CRHR2: variants seen among roughly 807,000 people sequenced by gnomAD.
CRHR2 encodes the protein corticotropin releasing hormone receptor 2, also known as corticotropin-releasing hormone receptor 2.
A neutral mutation model predicts 57.9 loss-of-function variants in CRHR2; 53 were observed. The ratio of observed to expected loss-of-function variants is 0.92; its 90% CI spans 0.73 to 1.15. The LOEUF is 1.15. Among genes scored for constraint, CRHR2 ranks in the 50% most tolerant of loss-of-function variants. The pLI is 0.00. For missense variants in CRHR2, 532 were observed against 542.6 expected (o/e 0.98, Z 0.19); for synonymous variants, 213 against 220.9 (o/e 0.96, Z 0.32).
intron 2 of CRHR2, among the ~76,000 whole-genome samples, chr7:30,687,687 G>A (rs1238174972): frequency 6.6e-6 from 1 of 152,190 alleles, no homozygotes. Context: ...GAGAAGCTGG[G>A]ACCCTATCCG....
intron 2 of CRHR2, among the ~76,000 whole-genome samples, chr7:30,678,487 G>A (rs2284220): frequency 0.84 from 127,982 of 152,202 alleles, 54,039 homozygotes; most frequent in Middle Eastern, 0.87. Flanking sequence ...GTGGCCATGC[G>A]CTAGTCCCTT....
intron 1 of CRHR2, among the ~76,000 whole-genome samples, chr7:30,695,269 G>T (rs779197297): frequency 4.6e-5 from 7 of 152,128 alleles, no homozygotes; most frequent in Non-Finnish European, 7.4e-5. Context: ...GTTCTAACTT[G>T]TAGGGTGTTG....
intron 2 of CRHR2, among the ~76,000 whole-genome samples, chr7:30,680,818 T>TTGTG (rs60568949): frequency 0.16 from 23,880 of 145,280 alleles, 2,086 homozygotes; most frequent in East Asian, 0.28. Context: ...TTCTGAAAGC[T>TTGTG]TGTGTGTGTG....
intron 1 of CRHR2, among the ~76,000 whole-genome samples, chr7:30,695,450 T>C (rs553457328): frequency 3.7e-4 from 56 of 152,064 alleles, no homozygotes; most frequent in African/African-American, 1.3e-3. Flanking sequence ...CTGTTCTCTC[T>C]TCTCTCTGAA....
intron 1 of CRHR2, among the ~76,000 whole-genome samples, chr7:30,689,734 G>C (rs1784924715): frequency 6.6e-6 from 1 of 152,238 alleles, no homozygotes; most frequent in South Asian, 2.1e-4. Context: ...GCCAGGTAGG[G>C]ATCCTCTAGA....
At chr7:30,686,363 G>T, upstream of CRHR2, 1 of 1,517,344 alleles carries the variant, frequency 6.6e-7, no homozygotes, top group South Asian at 1.2e-5. Flanking sequence ...CTTCAGCCCA[G>T]TGAGTCACTA....
chr7:30,686,531 A>G, upstream of CRHR2: 4 of 1,508,798 alleles, frequency 2.7e-6, no homozygotes, highest in African/African-American at 1.4e-5. Context: ...ATTCTTGGCC[A>G]GGTGCAGTGG....
chr7:30,682,100 G>A, intron 1 of CRHR2, 60 bp from the exon 2 acceptor site: 6 of 1,540,710 alleles, frequency 3.9e-6, no homozygotes, highest in South Asian at 1.2e-5. Context: ...CGGGGCTCTC[G>A]GAGCGCGGGG....
chr7:30,666,842 CATTTGTTT>C lies in CRHR2; in HGVS notation c.315+378_315+385del, dbSNP rs534596729. 4.6e-3 allele frequency among the ~76,000 whole-genome samples: 701 copies of C among 152,324 alleles called. 5 individuals carry two copies. The highest frequency in any genetic ancestry group is 7.7e-3 in the Non-Finnish European group (525 of 68,028). On this transcript the variant is annotated intron_variant, in intron 3 of 11. Coordinates refer to ENST00000471646, the MANE Select transcript of CRHR2 (RefSeq NM_001883.5). ...CATGGGGACAGCCCTTGGGGGGCTG[CATTTGTTT>C]CCATGTGGAGTCACAGAATCAGAAT...
chr7:30,687,145 T>A (rs540105726), upstream of CRHR2, among the ~76,000 whole-genome samples: 1 of 152,258 alleles, frequency 6.6e-6, no homozygotes, highest in South Asian at 2.1e-4. Flanking sequence ...TTACTTGGTT[T>A]TGAACTCTGC....
Position 30,655,703 on chromosome 7 carries a change from C to T in CRHR2, c.930G>A (p.Lys310=). Residue 310 remains lysine, a synonymous_variant, in exon 10 of 12, where the codon AAG becomes AAA. Transcript: ENST00000471646. The part of the protein sequence containing the change: ...SETIQYRKAV[K]ATLVLLPLLG... The stretch of plus-strand genomic sequence containing the variant: ...GGAGGGGCAGGAGCACCAGGGTGGC[C>T]TTCACTGCCTTCCTGGGGGCGAGAG... The T allele has an allele frequency of 6.2e-7, 1 of 1,613,600 alleles. No individual in the cohort carries two copies. Among genetic ancestry groups the T allele is most frequent in the Non-Finnish European group, 8.5e-7 (1 of 1,179,660 alleles).
At chr7:30,697,173 AG>A (rs1785075249) in intron 1 of CRHR2, among the ~76,000 whole-genome samples, 1 of 152,174 alleles carries the variant, frequency 6.6e-6, no homozygotes, top group Non-Finnish European at 1.5e-5. Flanking sequence ...GGGAGGGTCC[AG>A]GGACTGCCAG....
intron 3 of CRHR2, among the ~76,000 whole-genome samples, chr7:30,666,782 A>G (rs1327977451): frequency 6.6e-6 from 1 of 152,234 alleles, no homozygotes; most frequent in Non-Finnish European, 1.5e-5. Context: ...GAGCTGGAGC[A>G]GGGCTCCAGA....
At position 30,656,425 on chromosome 7, in the gene CRHR2, C is replaced by T. The variant is rs995097121; in HGVS notation, c.832-413G>A. Reference sequence around the variant, plus strand: ...TCTGAGTCCCTTGCACTGTCACTGGCTCTAGGTCGGCCTGAGGTCCTTCTG... The same window carrying T: ...TCTGAGTCCCTTGCACTGTCACTGGTTCTAGGTCGGCCTGAGGTCCTTCTG... On this transcript the variant is annotated intron_variant, in intron 8 of 11. Transcript: ENST00000471646. This position sits in a 1 kb window ranked among gnomAD's most constrained non-coding sequence, Gnocchi z 4.4. 6.6e-6 allele frequency among the ~76,000 whole-genome samples: 1 copy of T among 152,214 alleles called. No homozygotes were observed. The highest frequency in any genetic ancestry group is 1.5e-5 in the Non-Finnish European group (1 of 68,036).
At chr7:30,692,613 C>T (rs1784983495) in intron 1 of CRHR2, among the ~76,000 whole-genome samples, 1 of 152,160 alleles carries the variant, frequency 6.6e-6, no homozygotes, top group Non-Finnish European at 1.5e-5. Flanking sequence ...CCAGGGCCCA[C>T]ACAGGAAACT....
At chr7:30,688,387 G>A (rs255099) in intron 2 of CRHR2, among the ~76,000 whole-genome samples, 68,722 of 152,078 alleles carry the variant, frequency 0.45, 18,718 homozygotes, top group Non-Finnish European at 0.6. Flanking sequence ...GGTTAGGTGA[G>A]TTTCCAGGGG....
At chr7:30,673,655 C>T (rs563747342) in intron 2 of CRHR2, among the ~76,000 whole-genome samples, 14 of 152,316 alleles carry the variant, frequency 9.2e-5, no homozygotes, top group South Asian at 6.2e-4. Context: ...GGTGGTCAGA[C>T]GTACAGTCCT....
In CRHR2 at chr7:30,653,498, T is replaced by G. The variant is rs540775655; in HGVS notation, c.1198A>C (p.Ile400Leu). The change falls in exon 12 of 12, where the codon ATC (isoleucine) becomes CTC (leucine). Residue 400 changes from isoleucine to leucine, a missense_variant. Transcript: ENST00000471646. The surrounding 1 kb of genome is among the most constrained non-coding windows in gnomAD (Gnocchi z 5.0). ...AMSIPTSPTRISFHSIKQTAA... is the reference protein window; with the variant it reads ...AMSIPTSPTRLSFHSIKQTAA... ...GTCTGCTTGATGCTGTGGAAGCTGA[T>G]CCGTGTGGGTGATGTAGGGATGGAC... 4 of 1,613,532 alleles carry G rather than the reference T, an allele frequency of 2.5e-6. No homozygotes were observed. Among genetic ancestry groups the G allele is most frequent in the Non-Finnish European group, 3.4e-6 (4 of 1,179,944 alleles).
exon 1 of CRHR2, chr7:30,700,000 A>G: frequency 6.9e-7 from 1 of 1,455,540 alleles, no homozygotes; most frequent in Non-Finnish European, 9.0e-7. Flanking sequence ...TGTGGGACGT[A>G]GAGGAGGCCT....
Sources: gnomAD v4.1 joint callset for allele counts (sites outside exome capture counted in the v4.1 genomes callset) on GRCh38, gnomAD v4.1.1 for gene constraint, Gnocchi (gnomAD v3.1) non-coding constraint, MANE v1.5 for transcripts, NCBI Gene and HGNC (gene_info 2026-07-23, HGNC 2026-07-21) for gene names.